The following SYNPR variants were observed in gnomAD, a reference collection of about 807,000 sequenced individuals.
The protein encoded by SYNPR is synaptoporin.
Under a neutral mutation model 32.9 loss-of-function variants are expected in SYNPR, and 23 were observed. The ratio of observed to expected loss-of-function variants is 0.70; its 90% CI spans 0.50 to 0.99. The LOEUF is 0.99. Ranked by LOEUF, SYNPR falls within the 50% of genes least tolerant of loss-of-function variation. The pLI is 0.00. For missense variants in SYNPR, 318 were observed against 349.3 expected, an observed-to-expected ratio of 0.91 and a Z score of 0.71; for synonymous variants, 146 against 135.9, an observed-to-expected ratio of 1.07 and a Z score of -0.52.
In SYNPR at chr3:63,313,800, TATATATATCC is replaced by T. The variant is rs1456418220; in HGVS notation, c.84+35067_84+35076del. On this transcript the variant is annotated intron_variant, in intron 2 of 5. Transcript: ENST00000478300. ...ATATATATCCATATATATATATCCA[TATATATATCC>T]ATATATATATCCATATATATATCCA... Among the ~76,000 whole-genome samples the T allele has an allele frequency of 2.7e-3, 97 of 36,208 alleles. 8 individuals are homozygous for T. The highest frequency in any genetic ancestry group is 7.0e-3 in the African/African-American group (57 of 8,174). The allele number at this position is 36,208 out of a possible 152,430, so 23.8% of individuals were successfully genotyped here.
At chr3:63,249,316 G>A (rs1439906130) in intron 1 of SYNPR, among the ~76,000 whole-genome samples, 2 of 152,056 alleles carry the variant, frequency 1.3e-5, no homozygotes, top group Non-Finnish European at 1.5e-5. Context: ...TGGAGAGACA[G>A]GCACTTCTAT....
At chr3:63,465,984 T>C (rs973968752) in intron 2 of SYNPR, among the ~76,000 whole-genome samples, 3 of 152,196 alleles carry the variant, frequency 2.0e-5, no homozygotes, top group African/African-American at 7.2e-5. Flanking sequence ...AGGGATTTGT[T>C]GTACAGATTA....
At chr3:63,375,147 G>A (rs2087871419) in intron 2 of SYNPR, among the ~76,000 whole-genome samples, 1 of 152,158 alleles carries the variant, frequency 6.6e-6, no homozygotes, top group African/African-American at 2.4e-5. Flanking sequence ...TTTAACCATT[G>A]TGGAAGACAG....
intron 2 of SYNPR, among the ~76,000 whole-genome samples, chr3:63,253,621 C>A (rs1436448143): frequency 2.6e-5 from 4 of 152,028 alleles, no homozygotes. Context: ...AATGAGATAC[C>A]ATCTCACACC....
chr3:63,478,092 G>T lies in SYNPR; in HGVS notation c.85-2740G>T, dbSNP rs1366826420. Among the ~76,000 whole-genome samples, 3 of 152,174 alleles carry T rather than the reference G, an allele frequency of 2.0e-5. No homozygotes were observed. The East Asian group carries it at 5.8e-4, about 29-fold the overall frequency. ...ATATTTAACTCAATTACAATGCCTT[G>T]TGTTTTCAGAGGTCAAGAGAAGTAA... On this transcript the variant is annotated intron_variant, in intron 2 of 5. Coordinates refer to ENST00000478300, the MANE Select transcript of SYNPR (RefSeq NM_001130003.2).
At chr3:63,548,607 A>G (rs572467653) in intron 3 of SYNPR, among the ~76,000 whole-genome samples, 14 of 152,166 alleles carry the variant, frequency 9.2e-5, no homozygotes, top group South Asian at 2.1e-4. Context: ...TAGGGAAGAG[A>G]GGGATAAAAA....
chr3:63,423,314 A>G lies in SYNPR; in HGVS notation c.85-57518A>G, dbSNP rs942536933. Among the ~76,000 whole-genome samples, 20 of 152,160 alleles carry G rather than the reference A, an allele frequency of 1.3e-4. No homozygotes were observed. In the East Asian group the frequency reaches 1.9e-3, roughly 15 times the overall value. On this transcript the variant is annotated intron_variant, in intron 2 of 5. Transcript: ENST00000478300. ...GATATTGAGCGACTGTTATACAGCAAATGGACTCCCTGCCCCACACACATA... is the reference window on the plus strand; with the variant it reads ...GATATTGAGCGACTGTTATACAGCAGATGGACTCCCTGCCCCACACACATA...
At chr3:63,578,596 A>G (rs1703034072) in intron 4 of SYNPR, among the ~76,000 whole-genome samples, 1 of 152,154 alleles carries the variant, frequency 6.6e-6, no homozygotes, top group African/African-American at 2.4e-5. Flanking sequence ...GACAACTTTC[A>G]TGAACTTAAT....
intron 3 of SYNPR, among the ~76,000 whole-genome samples, chr3:63,496,695 T>C (rs1024350256): frequency 1.3e-5 from 2 of 152,180 alleles, no homozygotes; most frequent in Non-Finnish European, 2.9e-5. Context: ...TTAATACTTT[T>C]TTACATAATT....
At chr3:63,453,258 A>C (rs1700413339) in intron 2 of SYNPR, among the ~76,000 whole-genome samples, 2 of 152,118 alleles carry the variant, frequency 1.3e-5, no homozygotes, top group African/African-American at 4.8e-5. Flanking sequence ...TTCAGTGGAA[A>C]TGACCTCAGC....
At chr3:63,265,553 A>G (rs1181767953) in intron 2 of SYNPR, among the ~76,000 whole-genome samples, 1 of 152,126 alleles carries the variant, frequency 6.6e-6, no homozygotes, top group African/African-American at 2.4e-5. Context: ...CGCCCAGTCA[A>G]TGGCATTCTT....
At chr3:63,490,540 G>A (rs61647568) in intron 3 of SYNPR, among the ~76,000 whole-genome samples, 23,404 of 151,992 alleles carry the variant, frequency 0.15, 2,349 homozygotes, top group Non-Finnish European at 0.21. Context: ...GGAGGCAGCA[G>A]AGAGGGAAGG....
intron 4 of SYNPR, among the ~76,000 whole-genome samples, chr3:63,604,751 C>T (rs1003134816): frequency 1.3e-5 from 2 of 152,088 alleles, no homozygotes; most frequent in Non-Finnish European, 2.9e-5. Flanking sequence ...GTAAAAATTT[C>T]AATTTTAATT....
chr3:63,482,494 C>A (rs762359381), intron 3 of SYNPR, among the ~76,000 whole-genome samples: 1 of 152,164 alleles, frequency 6.6e-6, no homozygotes, highest in Admixed American at 6.5e-5. Flanking sequence ...TCAACCTTCT[C>A]CCTGCCACAC....
At chr3:63,270,705 A>G (rs1165783427) in intron 3 of SYNPR, among the ~76,000 whole-genome samples, 2 of 152,192 alleles carry the variant, frequency 1.3e-5, no homozygotes, top group Admixed American at 1.3e-4. Context: ...CAGTTCCATT[A>G]TTTATAAGAT....
At chr3:63,444,881 C>T (rs1456330387) in intron 2 of SYNPR, among the ~76,000 whole-genome samples, 9 of 151,716 alleles carry the variant, frequency 5.9e-5, no homozygotes, top group Admixed American at 3.9e-4. Flanking sequence ...TCCCAATAAG[C>T]ATGTGCCTAG....
rs78264578 is a variant in SYNPR, at chr3:63,607,269, C to T, written c.409-1856C>T. On this transcript the variant is annotated intron_variant, in intron 4 of 5. Coordinates refer to ENST00000478300, the MANE Select transcript of SYNPR (RefSeq NM_001130003.2). ...ACCTTCCTCAATACTCAGCACATTA[C>T]TCAAAAATTACTATTTGAATAAAAG... Among the ~76,000 whole-genome samples, 225 of 152,278 alleles carry T rather than the reference C, an allele frequency of 1.5e-3. 1 individual carries two copies. The highest frequency in any genetic ancestry group is 5.2e-3 in the African/African-American group (215 of 41,580).
upstream of SYNPR, among the ~76,000 whole-genome samples, chr3:63,276,164 G>A (rs1478963746): frequency 6.6e-6 from 1 of 152,100 alleles, no homozygotes; most frequent in Non-Finnish European, 1.5e-5. Context: ...AAATAAGTTG[G>A]CAAATCACTT....
At chr3:63,509,824 T>G (rs1421499563) in intron 3 of SYNPR, among the ~76,000 whole-genome samples, 1 of 152,154 alleles carries the variant, frequency 6.6e-6, no homozygotes, top group Non-Finnish European at 1.5e-5. Context: ...TTCTAGAAAG[T>G]TTTTTGTTAA....
Sources: allele counts gnomAD v4.1 joint callset (sites outside exome capture counted in the v4.1 genomes callset), GRCh38; gene constraint gnomAD v4.1.1; transcripts MANE v1.5; gene names NCBI Gene and HGNC (gene_info 2026-07-23, HGNC 2026-07-21).